Variants in TMPRSS4 observed in about 807,000 individuals in gnomAD.
TMPRSS4 encodes the protein transmembrane protease serine 4.
TMPRSS4 carries 45 observed loss-of-function variants against 56.4 expected under a neutral mutation model. The ratio of observed to expected loss-of-function variants is 0.80; its 90% CI spans 0.63 to 1.02. The LOEUF is 1.02. TMPRSS4 is among the 50% of genes least tolerant of loss of function. TMPRSS4 has a pLI of 0.00. For missense variants in TMPRSS4, 546 were observed against 556.7 expected (o/e 0.98, Z 0.19); for synonymous variants, 205 against 211.0 (o/e 0.97, Z 0.25).
chr11:118,089,117 G>A (rs1042022331), intron 1 of TMPRSS4, among the ~76,000 whole-genome samples: 6 of 152,098 alleles, frequency 3.9e-5, no homozygotes, highest in Non-Finnish European at 4.4e-5. Flanking sequence ...GGATGTCATC[G>A]ACATTGATGG....
At chr11:118,093,801 C>T (rs867667623) in intron 1 of TMPRSS4, among the ~76,000 whole-genome samples, 5 of 118,370 alleles carry the variant, frequency 4.2e-5, no homozygotes, top group Middle Eastern at 3.7e-3. Context: ...CCACTGTGTT[C>T]CTTCCAATAA....
chr11:118,084,930 A>AC (rs1309192401), intron 1 of TMPRSS4, among the ~76,000 whole-genome samples: 1 of 152,092 alleles, frequency 6.6e-6, no homozygotes, highest in Non-Finnish European at 1.5e-5. Context: ...TCAAGGGACA[A>AC]CCCCCTTCTG....
Position 118,089,174 on chromosome 11 carries a change from C to A in TMPRSS4, c.4-5642C>A, listed in dbSNP as rs532729464. Among the ~76,000 whole-genome samples, 5 of 152,300 alleles carry A rather than the reference C, an allele frequency of 3.3e-5. No individual in the cohort carries two copies. In the South Asian group the frequency reaches 1.0e-3, roughly 32 times the overall value. ...CCTAAAATGCACCTACCTCCCTGCC[C>A]ATGAGCCCCAGTACTCGTGACCTTC... is the stretch of plus-strand genomic sequence containing the variant. On this transcript the variant is annotated intron_variant, in intron 1 of 12. Coordinates refer to ENST00000437212, the MANE Select transcript of TMPRSS4 (RefSeq NM_019894.4).
At chr11:118,082,641 G>T (rs557221340) in intron 1 of TMPRSS4, among the ~76,000 whole-genome samples, 1 of 152,158 alleles carries the variant, frequency 6.6e-6, no homozygotes, top group Non-Finnish European at 1.5e-5. Flanking sequence ...AGGGCAAAGG[G>T]AAAACCAGTA....
intron 9 of TMPRSS4, 81 bp from the exon 10 acceptor site, chr11:118,114,748 A>G (rs772672799): frequency 5.2e-5 from 72 of 1,386,442 alleles, no homozygotes; most frequent in African/African-American, 7.2e-5. Flanking sequence ...AGATCCCCAT[A>G]ATCATAAAGC....
intron 3 of TMPRSS4, among the ~76,000 whole-genome samples, chr11:118,101,631 G>T (rs1174079280): frequency 6.6e-6 from 1 of 152,122 alleles, no homozygotes; most frequent in East Asian, 1.9e-4. Context: ...ACACCACCAT[G>T]CCTGGCTAAT....
At chr11:118,125,418 T>C, downstream of TMPRSS4, 2 of 453,602 alleles carry the variant, frequency 4.4e-6, no homozygotes, top group South Asian at 3.1e-5. Flanking sequence ...CTGTGTTTGC[T>C]TTCTCTCATT....
At chr11:118,104,370 G>A (rs146644749) in intron 4 of TMPRSS4, among the ~76,000 whole-genome samples, 70 of 152,176 alleles carry the variant, frequency 4.6e-4, no homozygotes, top group East Asian at 3.5e-3. Context: ...GTATATGGTC[G>A]CTGGGTAGAG....
chr11:118,079,239 G>A (rs1018434338), intron 1 of TMPRSS4, among the ~76,000 whole-genome samples: 1 of 152,128 alleles, frequency 6.6e-6, no homozygotes, highest in African/African-American at 2.4e-5. Flanking sequence ...ACCCTTGACA[G>A]CCATAGCTCC....
At position 118,088,456 on chromosome 11, in the gene TMPRSS4, C is replaced by T. The variant is rs551449310; in HGVS notation, c.4-6360C>T. ...ATTCTCTGAGTTGATCAGGCAATGG[C>T]AGGTTTTCCAGTGATTGAACACCCA... On this transcript the variant is annotated intron_variant, in intron 1 of 12. Transcript: ENST00000437212. Among the ~76,000 whole-genome samples the T allele has an allele frequency of 4.3e-4, 65 of 152,312 alleles. No homozygotes were observed. In the South Asian group the frequency reaches 4.4e-3, roughly 10 times the overall value.
intron 11 of TMPRSS4, among the ~76,000 whole-genome samples, chr11:118,116,788 A>C (rs1715464): frequency 0.72 from 106,337 of 147,986 alleles, 38,416 homozygotes; most frequent in South Asian, 0.84. Context: ...ATCTCGGCTC[A>C]CTGCAGCCTC....
intron 4 of TMPRSS4, 152 bp from the exon 5 acceptor site, chr11:118,104,539 G>A (rs1352223711): frequency 1.2e-5 from 15 of 1,277,028 alleles, no homozygotes; most frequent in Non-Finnish European, 1.6e-5. Context: ...AAAGCCAAAT[G>A]GAAGAAATTC....
chr11:118,083,051 C>T (rs1416126245), intron 1 of TMPRSS4, among the ~76,000 whole-genome samples: 1 of 152,202 alleles, frequency 6.6e-6, no homozygotes, highest in African/African-American at 2.4e-5. Flanking sequence ...CTGCCTCCCT[C>T]TCCTCTGCTG....
At position 118,118,077 on chromosome 11, in the gene TMPRSS4, C is replaced by T; in HGVS notation, c.*164C>T. The T allele has an allele frequency of 6.8e-7, 1 of 1,467,604 alleles. No individual in the cohort carries two copies. The highest frequency in any genetic ancestry group is 2.5e-5 in the Admixed American group (1 of 39,634). 90.9% of individuals were successfully genotyped at this position (1,467,604 alleles called of 1,614,324 possible). A position where few individuals can be genotyped will look rare whatever the true frequency, so the allele number is the denominator to read the frequency against. On this transcript the variant is annotated 3_prime_UTR_variant, in exon 13 of 13. Coordinates refer to ENST00000437212, the MANE Select transcript of TMPRSS4 (RefSeq NM_019894.4). ...AAAGGGCCTCAATTCCTATAAGAGA[C>T]CCTCGCAGCCCAGAGGCGCCCAGAG...
At chr11:118,112,835 T>TC (rs1476430374) in intron 8 of TMPRSS4, among the ~76,000 whole-genome samples, 1 of 150,924 alleles carries the variant, frequency 6.6e-6, no homozygotes, top group Non-Finnish European at 1.5e-5. Context: ...TTTTTTTTTT[T>TC]TTTTTTTTGA....
At chr11:118,096,556 G>A (rs914557202) in intron 2 of TMPRSS4, among the ~76,000 whole-genome samples, 6 of 152,088 alleles carry the variant, frequency 3.9e-5, no homozygotes, top group African/African-American at 1.4e-4. Flanking sequence ...GGCCAAGGTG[G>A]GGGTGGATCA....
chr11:118,118,959 A>G lies in TMPRSS4; in HGVS notation c.*1046A>G. On this transcript the variant is annotated 3_prime_UTR_variant, in exon 13 of 13. Coordinates refer to ENST00000437212, the MANE Select transcript of TMPRSS4 (RefSeq NM_019894.4). ...TAAGCATGAATAAGTCCCTGCACTC[A>G]AAATGGTCAAAGAATTAAACCCCAT... 2 of 985,456 alleles carry G rather than the reference A, an allele frequency of 2.0e-6. No individual in the cohort carries two copies. The highest frequency in any genetic ancestry group is 1.2e-6 in the Non-Finnish European group (1 of 829,934). 61.0% of individuals were successfully genotyped at this position (985,456 alleles called of 1,614,324 possible).
intron 1 of TMPRSS4, among the ~76,000 whole-genome samples, chr11:118,090,556 C>A (rs1358008994): frequency 6.7e-6 from 1 of 148,294 alleles, no homozygotes; most frequent in Admixed American, 6.7e-5. Flanking sequence ...GTGGGCAGAT[C>A]ATTTGAGTCC....
chr11:118,098,241 C>G (rs1946520061), intron 2 of TMPRSS4, among the ~76,000 whole-genome samples: 1 of 151,366 alleles, frequency 6.6e-6, no homozygotes, highest in Non-Finnish European at 1.5e-5. Context: ...CCCCTGGTAC[C>G]CCAGGCACAC....
Sources: allele counts gnomAD v4.1 joint callset (sites outside exome capture counted in the v4.1 genomes callset), GRCh38; gene constraint gnomAD v4.1.1; transcripts MANE v1.5; gene names NCBI Gene and HGNC (gene_info 2026-07-23, HGNC 2026-07-21).